Variants in TBXAS1 observed in about 807,000 individuals in gnomAD.
TBXAS1 encodes the protein thromboxane A synthase 1.
TBXAS1 carries 48 observed loss-of-function variants against 60.7 expected under a neutral mutation model. The observed-to-expected ratio is 0.79, with a 90% CI of 0.63 to 1.01. The LOEUF is 1.01. Among genes scored for constraint, TBXAS1 ranks in the 50% least tolerant of loss-of-function variants. The pLI, the probability that TBXAS1 is intolerant of heterozygous loss-of-function variation, is 0.00. For synonymous variants in TBXAS1, 287 were observed against 269.7 expected (o/e 1.06, Z -0.63); for missense variants, 685 against 686.3 (o/e 1.00, Z 0.02).
chr7:139,850,014 T>A (rs556382834), intron 1 of TBXAS1, among the ~76,000 whole-genome samples: 1 of 152,322 alleles, frequency 6.6e-6, no homozygotes, highest in South Asian at 2.1e-4. Flanking sequence ...AAGGAAAAAA[T>A]TTGTTTATTT....
intron 2 of TBXAS1, among the ~76,000 whole-genome samples, chr7:139,782,204 CTTTTTT>C (rs34354515): frequency 6.9e-6 from 1 of 145,518 alleles, no homozygotes; most frequent in Non-Finnish European, 1.5e-5. Flanking sequence ...AAAAAAATCA[CTTTTTT>C]TTTTTTTTAA....
At position 139,849,403 on chromosome 7, in the gene TBXAS1, A is replaced by C. The variant is rs202085182; in HGVS notation, c.89+19924A>C. Among the ~76,000 whole-genome samples the C allele has an allele frequency of 3.7e-3, 565 of 152,056 alleles. 4 individuals are homozygous for C. In the South Asian group the frequency reaches 0.041, roughly 11 times the overall value. Reference sequence around the variant, plus strand: ...AAACACAAAAAACAAAAAACAACAAAAAAAAAACAACCCACCAAAAAACAG... The same window carrying C: ...AAACACAAAAAACAAAAAACAACAACAAAAAAACAACCCACCAAAAAACAG... On this transcript the variant is annotated intron_variant, in intron 1 of 12. Coordinates refer to ENST00000448866, the MANE Select transcript of TBXAS1 (RefSeq NM_001061.7).
At chr7:139,781,886 G>C (rs932439270) in intron 2 of TBXAS1, among the ~76,000 whole-genome samples, 3 of 147,030 alleles carry the variant, frequency 2.0e-5, no homozygotes, top group Non-Finnish European at 4.5e-5. Flanking sequence ...ATTGGATTTA[G>C]CAACAAGAGT....
chr7:139,996,497 G>A (rs1166177550), intron 9 of TBXAS1, among the ~76,000 whole-genome samples: 2 of 152,204 alleles, frequency 1.3e-5, no homozygotes, highest in African/African-American at 4.8e-5. Flanking sequence ...TCACCCAGGT[G>A]GGGTGGTGGA....
intron 9 of TBXAS1, among the ~76,000 whole-genome samples, chr7:139,994,628 C>T (rs1027842874): frequency 6.6e-6 from 1 of 151,510 alleles, no homozygotes; most frequent in Non-Finnish European, 1.5e-5. Flanking sequence ...AAAAAAAAAA[C>T]TCCTGCTGCA....
chr7:139,867,203 CT>C (rs148212436), intron 1 of TBXAS1, among the ~76,000 whole-genome samples: 5,796 of 152,256 alleles, frequency 0.038, 342 homozygotes, highest in African/African-American at 0.13. Context: ...GTTTTTACCC[CT>C]GGAGAAGCGC....
chr7:139,920,724 C>T (rs888879696), intron 4 of TBXAS1, among the ~76,000 whole-genome samples: 1 of 152,204 alleles, frequency 6.6e-6, no homozygotes, highest in South Asian at 2.1e-4. Flanking sequence ...CTTAACACCT[C>T]TCTTAAAATG....
chr7:139,910,373 A>T (rs1256588544), intron 3 of TBXAS1, among the ~76,000 whole-genome samples: 3 of 152,186 alleles, frequency 2.0e-5, no homozygotes, highest in African/African-American at 7.2e-5. Flanking sequence ...ACAGAGGTTC[A>T]TGCCTGTAAT....
At chr7:139,980,252 A>G (rs537777200) in intron 9 of TBXAS1, among the ~76,000 whole-genome samples, 2 of 152,276 alleles carry the variant, frequency 1.3e-5, no homozygotes, top group Admixed American at 6.5e-5. Flanking sequence ...ATGGCCTACA[A>G]CTAGAAGAAG....
rs1310867707 is a variant in TBXAS1, at chr7:140,004,112, G to A, written c.1135-2979G>A. Among the ~76,000 whole-genome samples the A allele has an allele frequency of 6.6e-6, 1 of 152,250 alleles. No homozygotes were observed. Among genetic ancestry groups the A allele is most frequent in the Non-Finnish European group, 1.5e-5 (1 of 68,046 alleles). On this transcript the variant is annotated intron_variant, in intron 9 of 12. Coordinates refer to ENST00000448866, the MANE Select transcript of TBXAS1 (RefSeq NM_001061.7). The surrounding 1 kb of genome is among the most constrained non-coding windows in gnomAD (Gnocchi z 5.1). ...TCCCTGTGTTCAATCGCCACCTGCT[G>A]GAGAAAAACTTTTTTCTTTGTCCCA...
At chr7:139,988,682 G>C (rs961561783) in intron 9 of TBXAS1, among the ~76,000 whole-genome samples, 5 of 152,092 alleles carry the variant, frequency 3.3e-5, no homozygotes, top group African/African-American at 1.2e-4. Flanking sequence ...CATCAGCCCA[G>C]CTTGCATGGA....
At chr7:139,957,489 T>C (rs757297046) in intron 7 of TBXAS1, 145 bp from the exon 8 acceptor site, 8 of 1,026,356 alleles carry the variant, frequency 7.8e-6, no homozygotes, top group Non-Finnish European at 1.2e-5. Context: ...ACCCCTGCTC[T>C]CAGAAGCAGC....
chr7:139,934,087 C>G (rs992090571), intron 4 of TBXAS1, among the ~76,000 whole-genome samples: 2 of 152,206 alleles, frequency 1.3e-5, no homozygotes, highest in Non-Finnish European at 2.9e-5. Context: ...CACTTTCCCT[C>G]CAGGAAAATT....
At chr7:139,866,887 G>C (rs1489686841) in intron 1 of TBXAS1, among the ~76,000 whole-genome samples, 1 of 152,238 alleles carries the variant, frequency 6.6e-6, no homozygotes, top group African/African-American at 2.4e-5. Flanking sequence ...CTTTCTCCCT[G>C]ATAGTTCTAG....
chr7:139,804,001 C>G (rs1797781856), intron 4 of TBXAS1, among the ~76,000 whole-genome samples: 1 of 152,142 alleles, frequency 6.6e-6, no homozygotes. Context: ...TAGGGCACTG[C>G]CTAGTGGAGC....
chr7:139,957,759 G>A lies in TBXAS1; in HGVS notation c.814G>A (p.Glu272Lys), dbSNP rs762726298. The change falls in exon 8 of 13, where the codon GAA becomes AAA. Residue 272 changes from glutamate (E) to lysine (K), a missense_variant. Coordinates refer to ENST00000448866, the MANE Select transcript of TBXAS1 (RefSeq NM_001061.7). ...TGCCTTGCGGGACCAGCAAGCTGCC[G>A]AAGAGGTAACGTATTTTAATAGGAC... The part of the protein sequence containing the change: ...VIALRDQQAA[E>K]ERRRDFLQMV... 1.5e-5 allele frequency: 24 copies of A among 1,613,866 alleles called. No individual in the cohort carries two copies. The highest frequency in any genetic ancestry group is 2.7e-5 in the African/African-American group (2 of 74,846).
At chr7:139,901,756 C>T (rs572218882) in intron 3 of TBXAS1, among the ~76,000 whole-genome samples, 10 of 152,048 alleles carry the variant, frequency 6.6e-5, no homozygotes, top group Non-Finnish European at 1.5e-4. Context: ...GCCCTCGAGG[C>T]TGGAAACCAT....
At chr7:139,935,957 G>A (rs1333352458) in intron 4 of TBXAS1, among the ~76,000 whole-genome samples, 1 of 152,208 alleles carries the variant, frequency 6.6e-6, no homozygotes, top group African/African-American at 2.4e-5. Flanking sequence ...CATCGCAGCA[G>A]GGTACAGCTG....
intron 9 of TBXAS1, among the ~76,000 whole-genome samples, chr7:139,973,965 T>G (rs576466009): frequency 6.6e-6 from 1 of 152,334 alleles, no homozygotes; most frequent in South Asian, 2.1e-4. Flanking sequence ...AAAAGAATCC[T>G]TATTATAAAG....
Sources: allele counts gnomAD v4.1 joint callset (sites outside exome capture counted in the v4.1 genomes callset), GRCh38; gene constraint gnomAD v4.1.1; non-coding constraint Gnocchi (gnomAD v3.1); transcripts MANE v1.5; gene names NCBI Gene and HGNC (gene_info 2026-07-23, HGNC 2026-07-21).